MROH1: variants seen among roughly 807,000 people sequenced by gnomAD.
MROH1 encodes maestro heat-like repeat-containing protein family member 1.
MROH1 carries 117 observed loss-of-function variants against 116.5 expected under a neutral mutation model. That is an observed-to-expected ratio of 1.00 (90% CI 0.86 to 1.17). The LOEUF is 1.17. Ranked by LOEUF, MROH1 falls within the 50% of genes most tolerant of loss-of-function variation. The pLI, the probability that MROH1 is intolerant of heterozygous loss-of-function variation, is 0.00. For missense variants in MROH1, 1,873 were observed against 1,338.5 expected, an observed-to-expected ratio of 1.40 and a Z score of -6.23; for synonymous variants, 921 against 583.9, an observed-to-expected ratio of 1.58 and a Z score of -8.32.
At chr8:144,156,241 G>GAAAAA (rs1218482716) in intron 1 of MROH1, among the ~76,000 whole-genome samples, 2 of 58,506 alleles carry the variant, frequency 3.4e-5, no homozygotes, top group African/African-American at 4.4e-5. Context: ...CCGTCTCAAA[G>GAAAAA]AAAAAAAAAA....
intron 10 of MROH1, among the ~76,000 whole-genome samples, chr8:144,198,609 A>G (rs1830441138): frequency 6.6e-6 from 1 of 152,020 alleles, no homozygotes; most frequent in Admixed American, 6.6e-5. Flanking sequence ...GCTTTTTACC[A>G]ATAAGACTTT....
In MROH1 at chr8:144,257,330, T is replaced by C. The variant is rs1844065272; in HGVS notation, c.3792-1447T>C. Among the ~76,000 whole-genome samples, 5 of 152,274 alleles carry C rather than the reference T, an allele frequency of 3.3e-5. No homozygotes were observed. The South Asian group carries it at 1.0e-3, about 32-fold the overall frequency. On this transcript the variant is annotated intron_variant, in intron 35 of 43. Transcript: ENST00000326134. The stretch of plus-strand genomic sequence containing the variant: ...ACTCATCAAGGGCTGTGTGAGGGGC[T>C]GGCCCTGCTGTTGGTCAGCACCAGA...
At chr8:144,169,653 T>A (rs1428543218) in intron 4 of MROH1, among the ~76,000 whole-genome samples, 1 of 148,322 alleles carries the variant, frequency 6.7e-6, no homozygotes, top group African/African-American at 2.5e-5. Context: ...TATTTATATA[T>A]GTTTTTTGAG....
At chr8:144,208,289 T>A (rs1833306203) in intron 12 of MROH1, among the ~76,000 whole-genome samples, 1 of 152,220 alleles carries the variant, frequency 6.6e-6, no homozygotes, top group Non-Finnish European at 1.5e-5. Context: ...CAGTCTCACT[T>A]GTTGAAAAGA....
intron 4 of MROH1, among the ~76,000 whole-genome samples, chr8:144,178,476 C>T (rs1303238393): frequency 6.6e-6 from 1 of 151,754 alleles, no homozygotes; most frequent in Non-Finnish European, 1.5e-5. Context: ...ACCATGTTGG[C>T]CAGGCTGGTC....
At chr8:144,168,527 G>A (rs748509890) in intron 4 of MROH1, 87 bp downstream of exon 4, 4 of 1,490,520 alleles carry the variant, frequency 2.7e-6, no homozygotes, top group Non-Finnish European at 3.6e-6. Context: ...GTCCAGCCAG[G>A]AGCAGTGGGT....
intron 7 of MROH1, among the ~76,000 whole-genome samples, chr8:144,181,312 G>GCCCGGTGAGGGGGGAGGGGC (rs777734028): frequency 2.3e-5 from 1 of 42,828 alleles, no homozygotes; most frequent in African/African-American, 8.0e-5. Context: ...TGGGGGAGGG[G>GCCCGGTGAGGGGGGAGGGGC]CCGGTGATGG....
intron 7 of MROH1, among the ~76,000 whole-genome samples, chr8:144,186,867 C>T (rs1009845217): frequency 1.1e-4 from 16 of 149,946 alleles, no homozygotes; most frequent in African/African-American, 3.2e-4. Context: ...CTGAGGCAGG[C>T]GGATTGCCTG....
At chr8:144,228,824 A>C (rs570904555) in intron 14 of MROH1, among the ~76,000 whole-genome samples, 104 of 152,312 alleles carry the variant, frequency 6.8e-4, no homozygotes, top group Admixed American at 2.8e-3. Flanking sequence ...TCTGTTCACA[A>C]AACTTTTCTA....
intron 12 of MROH1, among the ~76,000 whole-genome samples, chr8:144,207,895 T>C (rs1161152005): frequency 6.6e-6 from 1 of 152,168 alleles, no homozygotes; most frequent in Non-Finnish European, 1.5e-5. Flanking sequence ...CTTTTACTAA[T>C]GTTTGGGTGT....
Position 144,245,906 on chromosome 8 carries a change from C to T in MROH1, c.2871+646C>T, listed in dbSNP as rs964212259. ...GAACTCTTGGGCTCAAGTGATCCTC[C>T]TGTCTCGGCCTCCTAAAGTGCTGGG... On this transcript the variant is annotated intron_variant, in intron 29 of 43. Transcript: ENST00000326134. 3.2e-4 allele frequency among the ~76,000 whole-genome samples: 48 copies of T among 152,310 alleles called. 1 individual carries two copies. In the Middle Eastern group the frequency reaches 0.01, roughly 33 times the overall value.
chr8:144,172,401 C>T (rs7015246), intron 4 of MROH1, among the ~76,000 whole-genome samples: 14,415 of 146,742 alleles, frequency 0.098, 1,419 homozygotes, highest in African/African-American at 0.27. Flanking sequence ...CAACATTTAA[C>T]TTTTTTTTTT....
intron 1 of MROH1, among the ~76,000 whole-genome samples, chr8:144,150,489 T>G (rs1413280689): frequency 6.6e-6 from 1 of 152,206 alleles, no homozygotes; most frequent in African/African-American, 2.4e-5. Context: ...TGAGGCTTGT[T>G]GGGGCCGTTC....
chr8:144,251,878 T>C (rs1284040960), intron 33 of MROH1: 1 of 171,584 alleles, frequency 5.8e-6, no homozygotes, highest in African/African-American at 2.4e-5. Context: ...TTGGCGATTG[T>C]GCTGTGTGGT....
At position 144,259,977 on chromosome 8, in the gene MROH1, C is replaced by T. The variant is rs1037897953; in HGVS notation, c.4111C>T (p.Arg1371Cys). ...CTCGCTGCTGGAGAGCCTGGCGGCT[C>T]GCCAGAAGGACACATGCGCCAGCGT... ...LDSLLESLAA[R>C]QKDTCASVRR... The change falls in exon 38 of 44, where the codon CGC becomes TGC. Residue 1371 changes from arginine (R) to cysteine (C), a missense_variant. Arg to Cys is a radical substitution (Grantham distance 180, BLOSUM62 -3). Transcript: ENST00000326134. 15 of 739,876 alleles carry T rather than the reference C, an allele frequency of 2.0e-5. No homozygotes were observed. Among genetic ancestry groups the T allele is most frequent in the Middle Eastern group, 2.6e-4 (1 of 3,872 alleles). 45.8% of individuals were successfully genotyped at this position (739,876 alleles called of 1,614,324 possible).
intron 1 of MROH1, among the ~76,000 whole-genome samples, chr8:144,153,961 C>T (rs1410417679): frequency 3.9e-5 from 6 of 152,142 alleles, no homozygotes; most frequent in South Asian, 2.1e-4. Context: ...GGGGTTTCAC[C>T]GTGTTAGCCA....
intron 12 of MROH1, among the ~76,000 whole-genome samples, chr8:144,203,665 T>C (rs1228920739): frequency 6.6e-6 from 1 of 152,084 alleles, no homozygotes; most frequent in African/African-American, 2.4e-5. Context: ...GAAGGGAGCC[T>C]CAGAGGCATG....
chr8:144,176,425 A>G (rs1433473589), intron 4 of MROH1, among the ~76,000 whole-genome samples: 1 of 151,078 alleles, frequency 6.6e-6, no homozygotes, highest in Non-Finnish European at 1.5e-5. Flanking sequence ...AGTCCCAGCT[A>G]CTTGAGAGGT....
In MROH1 at chr8:144,195,195, T is replaced by TAAAAAAAAAAAAAAAAAAAAA. The variant is rs561902621; in HGVS notation, c.948+2798_948+2818dup. On this transcript the variant is annotated intron_variant, in intron 10 of 43. Transcript: ENST00000326134. ...GGGTGACAGTGCGAGACTGTGTCTT[T>TAAAAAAAAAAAAAAAAAAAAA]AAAAAAAAAAAAAAAAAAAAAAAAG... Among the ~76,000 whole-genome samples, 83 of 11,682 alleles carry TAAAAAAAAAAAAAAAAAAAAA rather than the reference T, an allele frequency of 7.1e-3. 28 individuals are homozygous for TAAAAAAAAAAAAAAAAAAAAA. Among genetic ancestry groups the TAAAAAAAAAAAAAAAAAAAAA allele is most frequent in the Non-Finnish European group, 9.3e-3 (67 of 7,206 alleles). The allele number at this position is 11,682 out of a possible 152,430, so 7.7% of individuals were successfully genotyped here.
Sources: gnomAD v4.1 joint callset for allele counts (sites outside exome capture counted in the v4.1 genomes callset) on GRCh38, gnomAD v4.1.1 for gene constraint, MANE v1.5 for transcripts, NCBI Gene and HGNC (gene_info 2026-07-23, HGNC 2026-07-21) for gene names.